The following VIT variants were observed in gnomAD, a reference collection of about 807,000 sequenced individuals.
VIT encodes vitrin.
VIT carries 99 observed loss-of-function variants against 78.0 expected under a neutral mutation model. The ratio of observed to expected loss-of-function variants is 1.27; its 90% CI spans 1.08 to 1.50. The LOEUF is 1.50. VIT is among the 40% of genes most tolerant of loss of function. The pLI is 0.00. For missense variants in VIT, 1,126 were observed against 875.3 expected, an observed-to-expected ratio of 1.29 and a Z score of -3.61; for synonymous variants, 374 against 334.3, an observed-to-expected ratio of 1.12 and a Z score of -1.29.
At chr2:36,759,348 G>T in intron 6 of VIT, 2 of 1,419,776 alleles carry the variant, frequency 1.4e-6, no homozygotes, top group Admixed American at 2.9e-5. Flanking sequence ...AAAATGACAT[G>T]ACATTCTGTC....
chr2:36,798,957 C>T (rs972213397), intron 12 of VIT, among the ~76,000 whole-genome samples: 4 of 152,126 alleles, frequency 2.6e-5, no homozygotes, highest in Non-Finnish European at 5.9e-5. Context: ...ACCCCCATTT[C>T]CCCCATTCTG....
chr2:36,759,103 G>C, intron 6 of VIT, 57 bp downstream of exon 6: 2 of 1,614,202 alleles, frequency 1.2e-6, no homozygotes, highest in Non-Finnish European at 1.7e-6. Flanking sequence ...CACGCGACGT[G>C]TTTTGGGAGA....
intron 15 of VIT, among the ~76,000 whole-genome samples, chr2:36,811,839 A>AT (rs973522521): frequency 4.0e-4 from 61 of 151,200 alleles, no homozygotes; most frequent in Non-Finnish European, 7.1e-4. Context: ...CACCCAGCTA[A>AT]TTTTTTTTGT....
chr2:36,778,923 G>A (rs1286026515), intron 9 of VIT, among the ~76,000 whole-genome samples: 1 of 152,212 alleles, frequency 6.6e-6, no homozygotes, highest in Admixed American at 6.5e-5. Context: ...CGAGGGAGCT[G>A]AAGGGACACT....
In VIT at chr2:36,720,531, A is replaced by T. The variant is rs998744227; in HGVS notation, c.52+4109A>T. 2.0e-5 allele frequency among the ~76,000 whole-genome samples: 3 copies of T among 152,256 alleles called. No homozygotes were observed. In the East Asian group the frequency reaches 5.8e-4, roughly 29 times the overall value. Reference sequence around the variant, plus strand: ...AAAAAAAGAAATCCTGTCATTTACAATGTAAGTGTACCAAAGGATGTTATA... The same window carrying T: ...AAAAAAAGAAATCCTGTCATTTACATTGTAAGTGTACCAAAGGATGTTATA... On this transcript the variant is annotated intron_variant, in intron 2 of 15. Coordinates refer to ENST00000379242, the MANE Select transcript of VIT (RefSeq NM_053276.4).
chr2:36,802,129 G>A (rs1477920722), intron 13 of VIT, among the ~76,000 whole-genome samples: 1 of 152,164 alleles, frequency 6.6e-6, no homozygotes, highest in Non-Finnish European at 1.5e-5. Flanking sequence ...CTGAGCCTTT[G>A]GGGTCTCACC....
chr2:36,719,818 G>A (rs1666383050), intron 2 of VIT, among the ~76,000 whole-genome samples: 1 of 152,072 alleles, frequency 6.6e-6, no homozygotes, highest in Non-Finnish European at 1.5e-5. Context: ...GCATGTGACT[G>A]TAGTCCTAGC....
At chr2:36,789,690 T>C (rs1457961745) in intron 12 of VIT, among the ~76,000 whole-genome samples, 1 of 152,176 alleles carries the variant, frequency 6.6e-6, no homozygotes, top group African/African-American at 2.4e-5. Flanking sequence ...ATCCTGGTGA[T>C]TTGGGTTCTC....
chr2:36,710,268 T>G (rs1665720568), intron 1 of VIT, among the ~76,000 whole-genome samples: 1 of 152,158 alleles, frequency 6.6e-6, no homozygotes, highest in Non-Finnish European at 1.5e-5. Flanking sequence ...ACGCACAGGG[T>G]AAAGATTTAA....
intron 12 of VIT, among the ~76,000 whole-genome samples, chr2:36,787,538 G>C (rs1486224137): frequency 6.6e-6 from 1 of 152,218 alleles, no homozygotes; most frequent in African/African-American, 2.4e-5. Flanking sequence ...TATTTGTCTG[G>C]AAAACAGGAG....
intron 12 of VIT, among the ~76,000 whole-genome samples, chr2:36,795,377 T>TTA (rs202206784): frequency 0.65 from 96,713 of 148,152 alleles, 32,271 homozygotes; most frequent in East Asian, 0.99. Context: ...TTATTTTATT[T>TTA]TATTTTATAT....
intron 4 of VIT, among the ~76,000 whole-genome samples, chr2:36,750,839 A>G (rs1668416615): frequency 6.6e-6 from 1 of 151,934 alleles, no homozygotes; most frequent in Admixed American, 6.6e-5. Context: ...AAAGAAGAAA[A>G]AAAAATAACA....
At chr2:36,801,539 G>T in intron 13 of VIT, 135 bp downstream of exon 13, 1 of 766,402 alleles carries the variant, frequency 1.3e-6, no homozygotes, top group Non-Finnish European at 2.1e-6. Flanking sequence ...CGGGCGTGGT[G>T]GTTCACACCT....
At chr2:36,761,516 G>A (rs371575479) in intron 6 of VIT, among the ~76,000 whole-genome samples, 3 of 152,054 alleles carry the variant, frequency 2.0e-5, no homozygotes, top group East Asian at 1.9e-4. Context: ...CGAGGCAGGC[G>A]GATCGCGAGG....
chr2:36,708,276 G>A (rs1006607109), intron 1 of VIT, among the ~76,000 whole-genome samples: 1 of 152,086 alleles, frequency 6.6e-6, no homozygotes, highest in African/African-American at 2.4e-5. Flanking sequence ...AGGGATTTTT[G>A]GCATTTTGGA....
At chr2:36,759,377 G>T (rs369453664) in intron 6 of VIT, 2 of 1,385,002 alleles carry the variant, frequency 1.4e-6, no homozygotes, top group Non-Finnish European at 1.9e-6. Context: ...TTTCCTGGCA[G>T]CTAAAAGGAA....
At chr2:36,703,886 G>T (rs1263621048) in intron 1 of VIT, among the ~76,000 whole-genome samples, 2 of 148,008 alleles carry the variant, frequency 1.4e-5, no homozygotes, top group African/African-American at 5.0e-5. Context: ...GCTTGGGCAG[G>T]TTTTTTTGTT....
chr2:36,795,386 A>T lies in VIT; in HGVS notation c.1059-5915A>T, dbSNP rs1665816415. 2.0e-5 allele frequency among the ~76,000 whole-genome samples: 3 copies of T among 148,456 alleles called. No individual in the cohort carries two copies. The East Asian group carries it at 5.9e-4, about 29-fold the overall frequency. On this transcript the variant is annotated intron_variant, in intron 12 of 15. Transcript: ENST00000379242. ...TTTTATTTATTTTATTTTATTTTAT[A>T]TTTTATTTTATATTTTATTTATTTT...
intron 2 of VIT, among the ~76,000 whole-genome samples, chr2:36,724,399 TTGCACTTTG>T (rs1413085961): frequency 6.6e-6 from 1 of 152,190 alleles, no homozygotes; most frequent in Non-Finnish European, 1.5e-5. Flanking sequence ...GTCTGCGGCT[TTGCACTTTG>T]AAGTGGGCAT....
Sources: allele counts gnomAD v4.1 joint callset (sites outside exome capture counted in the v4.1 genomes callset), GRCh38; gene constraint gnomAD v4.1.1; transcripts MANE v1.5; gene names NCBI Gene and HGNC (gene_info 2026-07-23, HGNC 2026-07-21).